Variants in LAMA3 observed in about 807,000 individuals in gnomAD.
LAMA3 encodes the protein laminin subunit alpha-3.
LAMA3 carries 281 observed loss-of-function variants against 402.0 expected under a neutral mutation model. That is an observed-to-expected ratio of 0.70 (90% CI 0.63 to 0.77). The LOEUF (loss-of-function observed/expected upper bound fraction) is 0.77, where lower values mean the gene tolerates loss of function less well. Ranked by LOEUF, LAMA3 falls within the 30% of genes least tolerant of loss-of-function variation. LAMA3 has a pLI of 0.00. For synonymous variants in LAMA3, 1,431 were observed against 1,558.4 expected (o/e 0.92, Z 1.93); for missense variants, 3,840 against 4,215.5 (o/e 0.91, Z 2.47).
intron 70 of LAMA3, among the ~76,000 whole-genome samples, chr18:23,949,502 C>T (rs1901027239): frequency 6.6e-6 from 1 of 152,200 alleles, no homozygotes; most frequent in African/African-American, 2.4e-5. Flanking sequence ...CTCCTGCACA[C>T]ACCACTTTTT....
At chr18:23,853,535 G>C (rs1230020410) in intron 32 of LAMA3, among the ~76,000 whole-genome samples, 1 of 152,162 alleles carries the variant, frequency 6.6e-6, no homozygotes, top group Non-Finnish European at 1.5e-5. Flanking sequence ...GCCTCCCAAA[G>C]TGCTGGAATT....
At chr18:23,858,916 A>G in intron 34 of LAMA3, 87 bp downstream of exon 34, 2 of 1,378,442 alleles carry the variant, frequency 1.5e-6, no homozygotes, top group East Asian at 4.6e-5. Flanking sequence ...CTTGGCCTGC[A>G]GTGTTTTAAA....
At chr18:23,780,467 G>T (rs2062414619) in intron 11 of LAMA3, among the ~76,000 whole-genome samples, 1 of 152,118 alleles carries the variant, frequency 6.6e-6, no homozygotes. Context: ...AGGCAGAGGG[G>T]CAGGGAAGAG....
chr18:23,898,878 G>GT (rs1568315362), intron 45 of LAMA3, 30 bp downstream of exon 45: 3 of 1,573,040 alleles, frequency 1.9e-6, no homozygotes, highest in Non-Finnish European at 1.7e-6. Context: ...TAACTTTGGG[G>GT]TTTTTTTGCT....
chr18:23,753,597 T>C, intron 5 of LAMA3, 124 bp from the exon 6 acceptor site: 1 of 729,232 alleles, frequency 1.4e-6, no homozygotes, highest in Admixed American at 2.0e-5. Flanking sequence ...CATCCCAATG[T>C]AGGGCTCAAG....
chr18:23,919,861 G>A (rs567449374), intron 60 of LAMA3, among the ~76,000 whole-genome samples: 1 of 151,914 alleles, frequency 6.6e-6, no homozygotes, highest in Non-Finnish European at 1.5e-5. Context: ...CTGGCTGTAG[G>A]GGGGAATGGA....
At chr18:23,697,308 A>T (rs943732954) in intron 1 of LAMA3, among the ~76,000 whole-genome samples, 1 of 152,206 alleles carries the variant, frequency 6.6e-6, no homozygotes, top group Admixed American at 6.5e-5. Context: ...CATGGGGGAA[A>T]GCTGCCCTCC....
intron 25 of LAMA3, among the ~76,000 whole-genome samples, chr18:23,837,797 C>T (rs558496086): frequency 4.1e-4 from 63 of 151,978 alleles, no homozygotes; most frequent in African/African-American, 1.4e-3. Context: ...ACTGCTGATA[C>T]TACGCATGCA....
At chr18:23,799,910 G>A (rs1429714724) in intron 12 of LAMA3, among the ~76,000 whole-genome samples, 1 of 152,220 alleles carries the variant, frequency 6.6e-6, no homozygotes, top group Non-Finnish European at 1.5e-5. Context: ...TTCTTCAGGG[G>A]ACATTAGCCT....
At chr18:23,850,109 G>T (rs1375926921) in intron 32 of LAMA3, among the ~76,000 whole-genome samples, 2 of 152,078 alleles carry the variant, frequency 1.3e-5, no homozygotes, top group East Asian at 3.9e-4. Flanking sequence ...TCATGTAAAA[G>T]AAATAATCAG....
intron 68 of LAMA3, 137 bp downstream of exon 68, chr18:23,939,523 C>A: frequency 1.1e-6 from 1 of 928,476 alleles, no homozygotes; most frequent in Non-Finnish European, 1.7e-6. Flanking sequence ...CAAAGAGGTG[C>A]TGGCCTGCAC....
In LAMA3 at chr18:23,858,725, G is replaced by A. The variant is rs1280886999; in HGVS notation, c.4318G>A (p.Glu1440Lys). 1 of 1,614,152 alleles carries A rather than the reference G, an allele frequency of 6.2e-7. No homozygotes were observed. Among genetic ancestry groups the A allele is most frequent in the East Asian group, 2.2e-5 (1 of 44,880 alleles). Residue 1440 changes from glutamate (E) to lysine (K), a missense_variant, in exon 34 of 75, where the codon GAA becomes AAA. Physicochemically the swap from Glu to Lys is moderately conservative, Grantham distance 56. Coordinates refer to ENST00000313654, the MANE Select transcript of LAMA3 (RefSeq NM_198129.4). ...VEGTECNVCREGSFHLDPANL... is the reference protein window; with the variant it reads ...VEGTECNVCRKGSFHLDPANL... ...AGGCACAGAGTGTAATGTGTGTCGA[G>A]AAGGCTCATTCCATTTGGACCCAGC...
rs541794283 is a variant in LAMA3 at position 23,781,516 on chromosome 18, A to G, written c.1469-2507A>G. Among the ~76,000 whole-genome samples the G allele has an allele frequency of 1.8e-4, 28 of 152,344 alleles. No homozygotes were observed. In the South Asian group the frequency reaches 5.6e-3, roughly 30 times the overall value. The stretch of plus-strand genomic sequence containing the variant: ...TCTCTAGAAGGAAAATCAAGACCCA[A>G]AAAAGCCATTAGGCCCCAAAGCCTA... On this transcript the variant is annotated intron_variant, in intron 11 of 74. Coordinates refer to ENST00000313654, the MANE Select transcript of LAMA3 (RefSeq NM_198129.4).
intron 2 of LAMA3, among the ~76,000 whole-genome samples, chr18:23,716,033 C>A (rs2061092448): frequency 6.6e-6 from 1 of 152,168 alleles, no homozygotes; most frequent in Admixed American, 6.5e-5. Flanking sequence ...TCACAGAGAG[C>A]CTTCATGGTT....
intron 68 of LAMA3, among the ~76,000 whole-genome samples, chr18:23,939,980 C>G (rs2082440305): frequency 6.6e-6 from 1 of 152,214 alleles, no homozygotes; most frequent in South Asian, 2.1e-4. Context: ...GGCAGAATTG[C>G]CCGGGGGGCT....
At chr18:23,856,028 T>TA (rs2064070087) in intron 32 of LAMA3, among the ~76,000 whole-genome samples, 1 of 152,114 alleles carries the variant, frequency 6.6e-6, no homozygotes, top group African/African-American at 2.4e-5. Flanking sequence ...TCCTGTAAGG[T>TA]TTTTACATGT....
chr18:23,848,663 G>C (rs1274187363), intron 32 of LAMA3, among the ~76,000 whole-genome samples: 1 of 152,196 alleles, frequency 6.6e-6, no homozygotes, highest in African/African-American at 2.4e-5. Context: ...GGCTGCTGGG[G>C]ACAGGCCTCA....
intron 68 of LAMA3, among the ~76,000 whole-genome samples, chr18:23,940,162 AGAGATGGGGG>A (rs2082447589): frequency 1.3e-5 from 2 of 152,212 alleles, no homozygotes; most frequent in African/African-American, 4.8e-5. Context: ...AGAAGGGGAC[AGAGATGGGGG>A]CAGGCAGGGA....
At chr18:23,927,534 A>C (rs1329192908) in intron 62 of LAMA3, among the ~76,000 whole-genome samples, 1 of 152,304 alleles carries the variant, frequency 6.6e-6, no homozygotes, top group African/African-American at 2.4e-5. Context: ...ATACAGCAGC[A>C]TATGAACCCA....
Sources: gnomAD v4.1 joint callset for allele counts (sites outside exome capture counted in the v4.1 genomes callset) on GRCh38, gnomAD v4.1.1 for gene constraint, MANE v1.5 for transcripts, NCBI Gene and HGNC (gene_info 2026-07-23, HGNC 2026-07-21) for gene names.